Variants in BCL11A observed in about 807,000 individuals in gnomAD.
BCL11A encodes the protein B cell CLL/lymphoma 11A.
In BCL11A, 2 loss-of-function variants were observed where a neutral mutation model predicts 55.9. The ratio of observed to expected loss-of-function variants is 0.04; its 90% CI spans 0.01 to 0.11. The LOEUF (loss-of-function observed/expected upper bound fraction) is 0.11, where lower values mean the gene tolerates loss of function less well. Ranked by LOEUF, BCL11A falls within the 10% of genes least tolerant of loss-of-function variation. The pLI, the probability that BCL11A is intolerant of heterozygous loss-of-function variation, is 1.00. For missense variants in BCL11A, 817 were observed against 1,137.1 expected, an observed-to-expected ratio of 0.72 and a Z score of 4.05; for synonymous variants, 465 against 473.4, an observed-to-expected ratio of 0.98 and a Z score of 0.23.
chr2:60,531,233 G>A (rs946846617), intron 2 of BCL11A, among the ~76,000 whole-genome samples: 11 of 151,222 alleles, frequency 7.3e-5, no homozygotes, highest in African/African-American at 2.7e-4. Flanking sequence ...GTTGCCCGAC[G>A]GTCCTGCACA....
intron 2 of BCL11A, among the ~76,000 whole-genome samples, chr2:60,486,269 A>G (rs1366778854): frequency 6.6e-6 from 1 of 152,120 alleles, no homozygotes; most frequent in Non-Finnish European, 1.5e-5. Flanking sequence ...TCTCTCTCCT[A>G]CACATCAAAG....
chr2:60,468,121 T>TG (rs1676991091), intron 3 of BCL11A, among the ~76,000 whole-genome samples: 1 of 60,318 alleles, frequency 1.7e-5, no homozygotes, highest in Admixed American at 1.6e-4. Flanking sequence ...CAGTGGTGGT[T>TG]GTGGTGGTGG....
At chr2:60,467,357 G>A (rs111215111) in intron 3 of BCL11A, among the ~76,000 whole-genome samples, 2 of 52,474 alleles carry the variant, frequency 3.8e-5, no homozygotes, top group Non-Finnish European at 7.8e-5. Context: ...AATGGTGGTG[G>A]TGGTGATGGT....
chr2:60,482,816 T>C (rs534770808), intron 2 of BCL11A, among the ~76,000 whole-genome samples: 4 of 152,228 alleles, frequency 2.6e-5, no homozygotes, highest in Non-Finnish European at 5.9e-5. Flanking sequence ...CCTTGCTTTC[T>C]AGAATGTGTA....
At chr2:60,541,961 G>C (rs777747785) in intron 2 of BCL11A, 2 of 686,742 alleles carry the variant, frequency 2.9e-6, no homozygotes, top group Middle Eastern at 2.4e-4. Flanking sequence ...AAAAGAAAAG[G>C]TAAGTTCATT....
chr2:60,460,728 C>T lies in BCL11A; in HGVS notation c.2184G>A (p.Pro728=). The change falls in exon 4 of 4, where the codon CCG becomes CCA. Residue 728 remains proline (P), a synonymous_variant. Coordinates refer to ENST00000642384, the MANE Select transcript of BCL11A (RefSeq NM_022893.4). ...CTTTTGAGCTGGGCCTGCCCGGGCC[C>T]GGACCACTAATATGGGGCGTGCTCC... ...SGGSTPHISG[P]GPGRPSSKEG... The T allele has an allele frequency of 6.2e-7, 1 of 1,614,156 alleles. No homozygotes were observed. Among genetic ancestry groups the T allele is most frequent in the South Asian group, 1.1e-5 (1 of 91,090 alleles).
At chr2:60,532,086 C>A (rs921492782) in intron 2 of BCL11A, among the ~76,000 whole-genome samples, 2 of 152,166 alleles carry the variant, frequency 1.3e-5, no homozygotes, top group Non-Finnish European at 2.9e-5. Context: ...GCCCCTCCCC[C>A]CAAATCCAAC....
At chr2:60,452,511 C>T (rs1675765369), downstream of BCL11A, 2 of 1,334,852 alleles carry the variant, frequency 1.5e-6, no homozygotes, top group Non-Finnish European at 1.1e-6. Flanking sequence ...AGCAGGATGA[C>T]AGACCACGCT....
chr2:60,460,177 A>C lies in BCL11A; in HGVS notation c.*227T>G. ...CGGTGAGAACATAAAGGAAAAAAAA[A>C]AAAAAGGAAAAAGAAAAAAGAAAAA... On this transcript the variant is annotated 3_prime_UTR_variant, in exon 4 of 4. Transcript: ENST00000642384. 1.5e-6 allele frequency: 2 copies of C among 1,294,298 alleles called. No individual in the cohort carries two copies. Among genetic ancestry groups the C allele is most frequent in the Non-Finnish European group, 9.8e-7 (1 of 1,023,604 alleles). The allele number at this position is 1,294,298 out of a possible 1,614,324, so 80.2% of individuals were successfully genotyped here.
At chr2:60,535,945 A>G (rs998057857) in intron 2 of BCL11A, 22 of 152,214 alleles carry the variant, frequency 1.4e-4, no homozygotes, top group African/African-American at 5.1e-4. Flanking sequence ...TTGAATGCTA[A>G]CTCACACCTT....
At chr2:60,549,480 G>A (rs1416780458) in intron 1 of BCL11A, among the ~76,000 whole-genome samples, 2 of 152,252 alleles carry the variant, frequency 1.3e-5, no homozygotes, top group Non-Finnish European at 2.9e-5. Context: ...ACAGGCCCGG[G>A]GCAGGGGCCC....
chr2:60,452,012 C>T (rs1675742802), exon 5 of BCL11A: 1 of 227,132 alleles, frequency 4.4e-6, no homozygotes, highest in African/African-American at 2.2e-5. Context: ...ACCTAGTTCC[C>T]CTCCTACATC....
intron 1 of BCL11A, among the ~76,000 whole-genome samples, chr2:60,551,856 C>A (rs1337685728): frequency 6.6e-6 from 1 of 150,938 alleles, no homozygotes; most frequent in African/African-American, 2.4e-5. Context: ...GCCAGGCCGC[C>A]GCCGCCGCCT....
intron 2 of BCL11A, among the ~76,000 whole-genome samples, chr2:60,508,211 AAACAAC>A (rs558493569): frequency 1.3e-5 from 2 of 152,024 alleles, no homozygotes; most frequent in Non-Finnish European, 2.9e-5. Context: ...CCCCACCCCC[AAACAAC>A]AACAACAACA....
chr2:60,503,960 G>A (rs1213871542), intron 2 of BCL11A, among the ~76,000 whole-genome samples: 4 of 152,140 alleles, frequency 2.6e-5, no homozygotes, highest in African/African-American at 9.7e-5. Context: ...GAACGAGGGG[G>A]CAGAGAGGGA....
intron 1 of BCL11A, among the ~76,000 whole-genome samples, chr2:60,552,476 A>G (rs1275172348): frequency 6.6e-6 from 1 of 151,952 alleles, no homozygotes; most frequent in African/African-American, 2.4e-5. Flanking sequence ...CCGGCACAAA[A>G]GGCAGCGGGA....
intron 2 of BCL11A, among the ~76,000 whole-genome samples, chr2:60,506,427 C>T (rs931558324): frequency 1.2e-4 from 18 of 152,262 alleles, no homozygotes; most frequent in African/African-American, 4.3e-4. Flanking sequence ...ACAGAGCTGG[C>T]TCAGGACGCC....
exon 5 of BCL11A, chr2:60,451,761 G>C (rs947742671): frequency 4.3e-6 from 1 of 230,236 alleles, no homozygotes; most frequent in African/African-American, 2.2e-5. Flanking sequence ...TAAATTAAAA[G>C]ACAAATTCAA....
chr2:60,481,788 T>C (rs1469802362), intron 2 of BCL11A, among the ~76,000 whole-genome samples: 1 of 152,178 alleles, frequency 6.6e-6, no homozygotes, highest in East Asian at 1.9e-4. Flanking sequence ...GTACATTCTG[T>C]GTGATGGTGG....
Sources: allele counts gnomAD v4.1 joint callset (sites outside exome capture counted in the v4.1 genomes callset), GRCh38; gene constraint gnomAD v4.1.1; transcripts MANE v1.5; gene names NCBI Gene and HGNC (gene_info 2026-07-23, HGNC 2026-07-21).